GRHL2: variants seen among roughly 807,000 people sequenced by gnomAD.
The protein encoded by GRHL2 is grainyhead-like protein 2 homolog.
In GRHL2, 21 loss-of-function variants were observed where a neutral mutation model predicts 83.8. The observed-to-expected ratio is 0.25, with a 90% CI of 0.18 to 0.36. The LOEUF is 0.36. Ranked by LOEUF, GRHL2 falls within the 10% of genes least tolerant of loss-of-function variation. GRHL2 has a pLI of 1.00. For synonymous variants in GRHL2, 280 were observed against 278.9 expected (o/e 1.00, Z -0.04); for missense variants, 623 against 781.8 (o/e 0.80, Z 2.42).
chr8:101,609,982 C>G (rs1055963134), intron 8 of GRHL2, among the ~76,000 whole-genome samples: 4 of 150,688 alleles, frequency 2.7e-5, no homozygotes, highest in Admixed American at 2.6e-4. Flanking sequence ...ATCTTTCAGT[C>G]TGTACTTAAA....
chr8:101,566,198 A>G (rs1395291250), intron 4 of GRHL2, among the ~76,000 whole-genome samples: 1 of 152,208 alleles, frequency 6.6e-6, no homozygotes, highest in Non-Finnish European at 1.5e-5. Flanking sequence ...TCACTTTGTT[A>G]ATGTGTTTTA....
At chr8:101,635,070 C>A (rs937519137) in intron 11 of GRHL2, among the ~76,000 whole-genome samples, 1 of 152,070 alleles carries the variant, frequency 6.6e-6, no homozygotes, top group Non-Finnish European at 1.5e-5. Context: ...GTACTTGAAC[C>A]CAAGGAGGAC....
intron 8 of GRHL2, among the ~76,000 whole-genome samples, chr8:101,606,756 C>A (rs540644212): frequency 6.6e-6 from 1 of 152,152 alleles, no homozygotes; most frequent in African/African-American, 2.4e-5. Flanking sequence ...TCTCTCACTT[C>A]CTCCACTCAC....
At chr8:101,548,296 G>T (rs559154265) in intron 2 of GRHL2, among the ~76,000 whole-genome samples, 5 of 152,270 alleles carry the variant, frequency 3.3e-5, no homozygotes, top group African/African-American at 1.2e-4. Context: ...AGAGATCACC[G>T]ACAATCACAG....
chr8:101,591,246 C>G (rs574298412), intron 7 of GRHL2, among the ~76,000 whole-genome samples: 1 of 152,338 alleles, frequency 6.6e-6, no homozygotes, highest in East Asian at 1.9e-4. Flanking sequence ...AAGCATTGCA[C>G]TTTCACACAT....
intron 9 of GRHL2, among the ~76,000 whole-genome samples, chr8:101,621,822 C>A (rs1812971403): frequency 6.6e-6 from 1 of 151,908 alleles, no homozygotes; most frequent in Non-Finnish European, 1.5e-5. Flanking sequence ...TTCTTGAGTC[C>A]AGGAGTTTGA....
At chr8:101,493,021 T>A (rs1809997833) in intron 1 of GRHL2, among the ~76,000 whole-genome samples, 1 of 152,062 alleles carries the variant, frequency 6.6e-6, no homozygotes. Flanking sequence ...ATAGTAAAAG[T>A]GGGTTTTCCT....
chr8:101,665,684 A>ATGTT (rs774334759), intron 15 of GRHL2, among the ~76,000 whole-genome samples: 7 of 152,182 alleles, frequency 4.6e-5, no homozygotes, highest in Non-Finnish European at 1.0e-4. Context: ...GTTGTGCTAA[A>ATGTT]TGTTTTTATC....
Position 101,557,247 on chromosome 8 carries a change from C to T in GRHL2, c.285-1172C>T, listed in dbSNP as rs1811507883. On this transcript the variant is annotated intron_variant, in intron 3 of 15. Transcript: ENST00000646743. ...TACTTTTTTTTTTTTTTTTTTGAGACAGAGTCTCGCTCTGTCCCCCAGGTT... is the reference window on the plus strand; with the variant it reads ...TACTTTTTTTTTTTTTTTTTTGAGATAGAGTCTCGCTCTGTCCCCCAGGTT... 2.5e-5 allele frequency among the ~76,000 whole-genome samples: 3 copies of T among 121,284 alleles called. No individual in the cohort carries two copies. In the Admixed American group the frequency reaches 2.8e-4, roughly 11 times the overall value. 79.6% of individuals were successfully genotyped at this position (121,284 alleles called of 152,430 possible).
chr8:101,582,924 TG>T (rs1195133833), intron 7 of GRHL2, among the ~76,000 whole-genome samples: 1 of 152,186 alleles, frequency 6.6e-6, no homozygotes, highest in African/African-American at 2.4e-5. Context: ...CATGTTTTTC[TG>T]TTGTTGAATG....
intron 7 of GRHL2, among the ~76,000 whole-genome samples, chr8:101,588,973 G>T (rs1812222553): frequency 1.3e-5 from 2 of 152,200 alleles, no homozygotes; most frequent in Admixed American, 1.3e-4. Context: ...GGTGGGAAAA[G>T]ATTAGGGAGC....
chr8:101,569,509 G>A (rs572297068), intron 4 of GRHL2, among the ~76,000 whole-genome samples: 4 of 152,260 alleles, frequency 2.6e-5, no homozygotes, highest in African/African-American at 9.6e-5. Context: ...CCAGCCTGTC[G>A]CTCAGGCTGA....
At chr8:101,547,349 T>C (rs1396317989) in intron 2 of GRHL2, among the ~76,000 whole-genome samples, 1 of 152,206 alleles carries the variant, frequency 6.6e-6, no homozygotes, top group Admixed American at 6.5e-5. Flanking sequence ...AGAGGATGAA[T>C]TGATTCTATT....
chr8:101,650,691 G>C (rs906430948), intron 14 of GRHL2, among the ~76,000 whole-genome samples: 1 of 151,826 alleles, frequency 6.6e-6, no homozygotes, highest in African/African-American at 2.4e-5. Context: ...GGTTTTCTTT[G>C]GGGGGGATGA....
chr8:101,537,685 G>A (rs1811070684), intron 1 of GRHL2, among the ~76,000 whole-genome samples: 1 of 152,064 alleles, frequency 6.6e-6, no homozygotes, highest in African/African-American at 2.4e-5. Context: ...AGAGACACCT[G>A]CTCATCAAGG....
At chr8:101,652,368 T>TG (rs1173054695) in intron 14 of GRHL2, among the ~76,000 whole-genome samples, 1 of 66,904 alleles carries the variant, frequency 1.5e-5, no homozygotes. Context: ...GGTGTGTGTG[T>TG]GTCTGATGTG....
chr8:101,514,478 G>T (rs1032825149), intron 1 of GRHL2, among the ~76,000 whole-genome samples: 1 of 152,176 alleles, frequency 6.6e-6, no homozygotes, highest in African/African-American at 2.4e-5. Flanking sequence ...GGGCTGGAGA[G>T]GTACCCAGCA....
rs1360660295 is a variant in GRHL2, at chr8:101,599,228, G to A, written c.1098+77G>A. 7 of 945,042 alleles carry A rather than the reference G, an allele frequency of 7.4e-6. No homozygotes were observed. The East Asian group carries it at 1.8e-4, about 24-fold the overall frequency. 58.5% of individuals were successfully genotyped at this position (945,042 alleles called of 1,614,324 possible). On this transcript the variant is annotated intron_variant, in intron 8 of 15. Transcript: ENST00000646743. Reference sequence around the variant, plus strand: ...GCAGTTTATTCTTTTTTAAAAGCCTGTATCAGTAGCCTCCTATTAAAAAGA... The same window carrying A: ...GCAGTTTATTCTTTTTTAAAAGCCTATATCAGTAGCCTCCTATTAAAAAGA...
At chr8:101,501,165 A>G (rs1341257002) in intron 1 of GRHL2, among the ~76,000 whole-genome samples, 1 of 152,240 alleles carries the variant, frequency 6.6e-6, no homozygotes, top group African/African-American at 2.4e-5. Context: ...ATGCATTTGA[A>G]TGGGCATTCA....
Sources: gnomAD v4.1 joint callset for allele counts (sites outside exome capture counted in the v4.1 genomes callset) on GRCh38, gnomAD v4.1.1 for gene constraint, MANE v1.5 for transcripts, NCBI Gene and HGNC (gene_info 2026-07-23, HGNC 2026-07-21) for gene names.